GUCY2F: variants seen among roughly 807,000 people sequenced by gnomAD.
GUCY2F encodes the protein retinal guanylyl cyclase 2.
In GUCY2F, 61 loss-of-function variants were observed where a neutral mutation model predicts 73.1. That is an observed-to-expected ratio of 0.83 (90% CI 0.68 to 1.03). The LOEUF (loss-of-function observed/expected upper bound fraction) is 1.03, where lower values mean the gene tolerates loss of function less well. Among genes scored for constraint, GUCY2F ranks in the 50% least tolerant of loss-of-function variants. The pLI, the probability that GUCY2F is intolerant of heterozygous loss-of-function variation, is 0.00. For synonymous variants in GUCY2F, 331 were observed against 307.8 expected (o/e 1.08, Z -0.79); for missense variants, 912 against 854.3 (o/e 1.07, Z -0.84).
At chrX:109,412,003 A>G (rs1301668631) in intron 8 of GUCY2F, among the ~76,000 whole-genome samples, 1 of 112,263 alleles carries the variant, frequency 8.9e-6, no homozygotes, top group Non-Finnish European at 1.9e-5. Flanking sequence ...TGCCTGCCAG[A>G]AAGAATTTCA....
chrX:109,417,354 TAAA>T (rs1931269052), intron 8 of GUCY2F, among the ~76,000 whole-genome samples: 1 of 111,173 alleles, frequency 9.0e-6, no homozygotes, highest in Non-Finnish European at 1.9e-5. Flanking sequence ...AGTAGGCTAG[TAAA>T]TGGGACACTG....
chrX:109,390,005 G>A (rs758770611), intron 14 of GUCY2F, among the ~76,000 whole-genome samples: 8 of 112,072 alleles, frequency 7.1e-5, no homozygotes, highest in African/African-American at 2.3e-4. Flanking sequence ...AGATAGGCAT[G>A]CCAGCCTGCA....
intron 6 of GUCY2F, among the ~76,000 whole-genome samples, chrX:109,441,958 T>A (rs1382141388): frequency 1.8e-5 from 2 of 111,948 alleles, no homozygotes; most frequent in African/African-American, 6.5e-5. Context: ...GTGGCTCTTT[T>A]TGTGATACTA....
intron 8 of GUCY2F, among the ~76,000 whole-genome samples, chrX:109,422,049 A>G (rs1931383562): frequency 8.9e-6 from 1 of 111,873 alleles, no homozygotes; most frequent in African/African-American, 3.2e-5. Context: ...TTTAATAGAT[A>G]TCAGAATAGT....
At chrX:109,392,378 T>G (rs951728668) in intron 13 of GUCY2F, among the ~76,000 whole-genome samples, 6 of 111,764 alleles carry the variant, frequency 5.4e-5, no homozygotes, top group Non-Finnish European at 7.5e-5. Flanking sequence ...CTCTCTATAC[T>G]TCTAACTCAG....
Position 109,408,995 on chromosome X carries a change from T to C in GUCY2F, c.1965A>G (p.Ile655Met). The C allele has an allele frequency of 9.2e-7, 1 of 1,089,797 alleles. No homozygotes were observed. The highest frequency in any genetic ancestry group is 1.3e-6 in the Non-Finnish European group (1 of 786,520). The allele number at this position is 1,089,797 out of a possible 1,213,427, so 89.8% of individuals were successfully genotyped here. Residue 655 changes from isoleucine (I) to methionine (M), a missense_variant, in exon 9 of 20, where the codon ATA becomes ATG. Physicochemically the swap from Ile to Met is conservative, Grantham distance 10. Transcript: ENST00000218006. ...MFKSSLLLDL[I>M]KGMKYLHHRE... ...TTTCCTCAGTCTTCCCATTAACCTT[T>C]ATGAGATCCAGCAAGAGTGATGATT...
chrX:109,462,190 A>G (rs1023202256), intron 3 of GUCY2F, among the ~76,000 whole-genome samples: 1 of 112,794 alleles, frequency 8.9e-6, no homozygotes. Context: ...TAATTTTCAC[A>G]GTAGTCCTAG....
intron 16 of GUCY2F, among the ~76,000 whole-genome samples, chrX:109,384,523 T>C (rs987694185): frequency 1.0e-3 from 115 of 112,213 alleles, no homozygotes; most frequent in African/African-American, 3.7e-3. Flanking sequence ...ATATGGTTTG[T>C]ACAGTTTTCT....
At chrX:109,414,160 C>T (rs1931183155) in intron 8 of GUCY2F, among the ~76,000 whole-genome samples, 1 of 110,650 alleles carries the variant, frequency 9.0e-6, no homozygotes, top group Admixed American at 9.5e-5. Context: ...TTAGTAGAGA[C>T]AGGGTTTCAC....
intron 14 of GUCY2F, among the ~76,000 whole-genome samples, chrX:109,389,141 G>A (rs932400566): frequency 2.1e-4 from 24 of 112,000 alleles, no homozygotes; most frequent in African/African-American, 7.1e-4. Context: ...TTGCTAATAC[G>A]ATGAAGTTAG....
At chrX:109,379,190 CAG>C (rs1200192685) in intron 17 of GUCY2F, among the ~76,000 whole-genome samples, 1 of 111,852 alleles carries the variant, frequency 8.9e-6, no homozygotes, top group Non-Finnish European at 1.9e-5. Context: ...TTAATAGAAG[CAG>C]AGAGTAGAAT....
chrX:109,429,063 A>G (rs956977336), intron 8 of GUCY2F, among the ~76,000 whole-genome samples: 1 of 111,785 alleles, frequency 8.9e-6, no homozygotes, highest in African/African-American at 3.3e-5. Flanking sequence ...CCCCTTCTGG[A>G]CTCATGTCTC....
chrX:109,415,348 C>T (rs968207265), intron 8 of GUCY2F, among the ~76,000 whole-genome samples: 2 of 112,000 alleles, frequency 1.8e-5, no homozygotes, highest in African/African-American at 6.5e-5. Flanking sequence ...TTTCAGGAGG[C>T]CTAAATGTGA....
chrX:109,466,001 C>T (rs1009254797), intron 2 of GUCY2F, among the ~76,000 whole-genome samples: 27 of 111,096 alleles, frequency 2.4e-4, no homozygotes, highest in African/African-American at 8.9e-4. Context: ...TTTTATTGTC[C>T]ATCTCCTACA....
chrX:109,467,355 G>T (rs771313480), intron 2 of GUCY2F, among the ~76,000 whole-genome samples: 1 of 112,232 alleles, frequency 8.9e-6, no homozygotes, highest in Non-Finnish European at 1.9e-5. Flanking sequence ...TTGTCCAACA[G>T]TATCCTCAGC....
At chrX:109,429,460 A>C (rs1261765044) in intron 8 of GUCY2F, among the ~76,000 whole-genome samples, 1 of 110,950 alleles carries the variant, frequency 9.0e-6, no homozygotes, top group Non-Finnish European at 1.9e-5. Flanking sequence ...ACCAAATCAT[A>C]ACATCTCTTC....
intron 3 of GUCY2F, among the ~76,000 whole-genome samples, chrX:109,464,252 G>A (rs1263968732): frequency 1.8e-5 from 2 of 111,169 alleles, no homozygotes; most frequent in Non-Finnish European, 3.8e-5. Flanking sequence ...TTTTGTCTTT[G>A]CTCTCCATTG....
At chrX:109,442,094 G>T (rs1243955102) in intron 6 of GUCY2F, among the ~76,000 whole-genome samples, 1 of 111,464 alleles carries the variant, frequency 9.0e-6, no homozygotes, top group Non-Finnish European at 1.9e-5. Context: ...GCTTAAATAG[G>T]TCACATTCTC....
At chrX:109,424,824 T>C (rs1463971615) in intron 8 of GUCY2F, among the ~76,000 whole-genome samples, 1 of 109,411 alleles carries the variant, frequency 9.1e-6, no homozygotes, top group Non-Finnish European at 1.9e-5. Context: ...TGGAGTTCAA[T>C]GGCATGATTT....
Sources: allele counts gnomAD v4.1 joint callset (sites outside exome capture counted in the v4.1 genomes callset), GRCh38; gene constraint gnomAD v4.1.1; transcripts MANE v1.5; gene names NCBI Gene and HGNC (gene_info 2026-07-23, HGNC 2026-07-21).